The following PDE1C variants were observed in gnomAD, a reference collection of about 807,000 sequenced individuals.
PDE1C encodes dual specificity calcium/calmodulin-dependent 3',5'-cyclic nucleotide phosphodiesterase 1C.
A neutral mutation model predicts 93.1 loss-of-function variants in PDE1C; 62 were observed. That is an observed-to-expected ratio of 0.67 (90% CI 0.54 to 0.82). The LOEUF (loss-of-function observed/expected upper bound fraction) is 0.82, where lower values mean the gene tolerates loss of function less well. Among genes scored for constraint, PDE1C ranks in the 40% least tolerant of loss-of-function variants. PDE1C has a pLI of 0.00. For missense variants in PDE1C, 742 were observed against 884.6 expected, an observed-to-expected ratio of 0.84 and a Z score of 2.04; for synonymous variants, 325 against 310.1, an observed-to-expected ratio of 1.05 and a Z score of -0.50.
chr7:31,823,619 C>A (rs1439812365), intron 13 of PDE1C, among the ~76,000 whole-genome samples: 1 of 152,032 alleles, frequency 6.6e-6, no homozygotes, highest in Non-Finnish European at 1.5e-5. Flanking sequence ...TACCTGCTTC[C>A]ACACTGACCA....
At chr7:32,313,904 T>C (rs529709538) in intron 1 of PDE1C, among the ~76,000 whole-genome samples, 5 of 151,936 alleles carry the variant, frequency 3.3e-5, no homozygotes, top group Admixed American at 6.6e-5. Context: ...TAAAGTATAA[T>C]AATAATAAAA....
intron 17 of PDE1C, among the ~76,000 whole-genome samples, chr7:31,758,789 C>T (rs750049742): frequency 6.6e-6 from 1 of 152,102 alleles, no homozygotes; most frequent in African/African-American, 2.4e-5. Flanking sequence ...AAAGCAGTGC[C>T]GTTACCCTGG....
At chr7:32,422,669 A>G (rs1028233722) in intron 1 of PDE1C, among the ~76,000 whole-genome samples, 1 of 152,222 alleles carries the variant, frequency 6.6e-6, no homozygotes, top group Non-Finnish European at 1.5e-5. Flanking sequence ...ACATGATTTC[A>G]TTCTTTTTTA....
At chr7:31,836,741 C>T (rs117799933) in intron 11 of PDE1C, among the ~76,000 whole-genome samples, 4,141 of 152,266 alleles carry the variant, frequency 0.027, 72 homozygotes, top group South Asian at 0.067. Flanking sequence ...CAAATTGCCA[C>T]ATCTGGTTTG....
intron 3 of PDE1C, among the ~76,000 whole-genome samples, chr7:32,089,289 A>G (rs1584741703): frequency 2.0e-5 from 3 of 152,322 alleles, no homozygotes; most frequent in East Asian, 3.9e-4. Flanking sequence ...AAGTAACTCA[A>G]TCAAGGTCAT....
intron 1 of PDE1C, among the ~76,000 whole-genome samples, chr7:32,417,988 G>A (rs930778509): frequency 2.6e-5 from 4 of 152,022 alleles, no homozygotes; most frequent in African/African-American, 4.8e-5. Context: ...GTTTGTTTTT[G>A]TTTTGTTTTG....
chr7:31,619,745 G>C, the PDE1C span, among the ~76,000 whole-genome samples: 8 of 152,242 alleles, frequency 5.3e-5, no homozygotes, highest in African/African-American at 1.9e-4. Context: ...GGGAGTGCCA[G>C]ACAGTGGGCG....
At chr7:32,339,814 G>C (rs1408667579) in intron 1 of PDE1C, among the ~76,000 whole-genome samples, 1 of 152,156 alleles carries the variant, frequency 6.6e-6, no homozygotes, top group South Asian at 2.1e-4. Flanking sequence ...CCAAGATGAG[G>C]GCTATAAAAG....
chr7:31,722,995 C>G, the PDE1C span, among the ~76,000 whole-genome samples: 27 of 152,140 alleles, frequency 1.8e-4, no homozygotes, highest in Non-Finnish European at 3.4e-4. Context: ...AATTTCTCCA[C>G]CTGATCTTTT....
At chr7:31,666,126 G>A in the PDE1C span, among the ~76,000 whole-genome samples, 1 of 152,150 alleles carries the variant, frequency 6.6e-6, no homozygotes, top group Non-Finnish European at 1.5e-5. Flanking sequence ...ACTTGCTATT[G>A]GTTAGAGCCA....
At chr7:32,254,134 C>T (rs1809603906) in intron 1 of PDE1C, among the ~76,000 whole-genome samples, 3 of 152,132 alleles carry the variant, frequency 2.0e-5, no homozygotes, top group Admixed American at 2.0e-4. Context: ...GGCTAGACTC[C>T]AAGAGTACAT....
intron 3 of PDE1C, among the ~76,000 whole-genome samples, chr7:32,126,010 G>T (rs957843274): frequency 6.6e-6 from 1 of 152,082 alleles, no homozygotes; most frequent in African/African-American, 2.4e-5. Context: ...GCAGACACCT[G>T]TCCCAATATG....
At chr7:32,089,129 G>T (rs889259298) in intron 3 of PDE1C, among the ~76,000 whole-genome samples, 1 of 152,130 alleles carries the variant, frequency 6.6e-6, no homozygotes, top group African/African-American at 2.4e-5. Context: ...AGGGCATATC[G>T]CAAAGTCTCT....
In PDE1C at chr7:31,816,122, C is replaced by T; in HGVS notation, c.1615G>A (p.Ala539Thr). The T allele has an allele frequency of 1.2e-6, 2 of 1,613,914 alleles. No homozygotes were observed. The highest frequency in any genetic ancestry group is 1.7e-5 in the Admixed American group (1 of 59,994). The change falls in exon 15 of 18, where the codon GCT becomes ACT. Residue 539 changes from alanine (A) to threonine (T), a missense_variant. Ala to Thr is a moderately conservative substitution (Grantham distance 58). Around this residue, in one of 4 missense-constraint regions of PDE1C, gnomAD observed 454 missense variants for 459.4 expected, o/e 0.99. Coordinates refer to ENST00000396191, the MANE Select transcript of PDE1C (RefSeq NM_001191057.4). ...EKAKKEAEEK[A>T]RLAAEEQQKE... The stretch of plus-strand genomic sequence containing the variant: ...TGCTGCTCCTCTGCGGCCAGGCGAG[C>T]CTTTTCCTCTGCTTCCTTCTTGGCC...
chr7:31,717,553 T>G, the PDE1C span, among the ~76,000 whole-genome samples: 1 of 151,784 alleles, frequency 6.6e-6, no homozygotes, highest in Non-Finnish European at 1.5e-5. Context: ...TTGATTAGAA[T>G]CCAGAGAATG....
the PDE1C span, among the ~76,000 whole-genome samples, chr7:31,635,115 GT>G: frequency 6.6e-6 from 1 of 152,172 alleles, no homozygotes; most frequent in Non-Finnish European, 1.5e-5. Flanking sequence ...GATAAATGAT[GT>G]ACATTTGTAT....
At chr7:31,670,581 C>G in the PDE1C span, among the ~76,000 whole-genome samples, 1 of 152,096 alleles carries the variant, frequency 6.6e-6, no homozygotes, top group East Asian at 1.9e-4. Context: ...TTGAAGTATG[C>G]ATTAAAGTAG....
chr7:31,749,633 A>G (rs1794078588), downstream of PDE1C, among the ~76,000 whole-genome samples: 2 of 152,154 alleles, frequency 1.3e-5, no homozygotes, highest in South Asian at 4.1e-4. Context: ...TCTTGGTAGA[A>G]GAAGGGCGAG....
chr7:32,016,043 G>C (rs1435161542), intron 2 of PDE1C, among the ~76,000 whole-genome samples: 2 of 152,166 alleles, frequency 1.3e-5, no homozygotes, highest in Admixed American at 1.3e-4. Context: ...ACACCCAGAA[G>C]TTACCACCCT....
Sources: allele counts gnomAD v4.1 joint callset (sites outside exome capture counted in the v4.1 genomes callset), GRCh38; gene constraint gnomAD v4.1.1; regional missense constraint gnomAD v4.1.1; transcripts MANE v1.5; gene names NCBI Gene and HGNC (gene_info 2026-07-23, HGNC 2026-07-21).